Variants in NCAM2 observed in about 807,000 individuals in gnomAD.
The protein encoded by NCAM2 is N-CAM-2.
NCAM2 carries 30 observed loss-of-function variants against 98.1 expected under a neutral mutation model. The ratio of observed to expected loss-of-function variants is 0.31; its 90% CI spans 0.23 to 0.41. The LOEUF (loss-of-function observed/expected upper bound fraction) is 0.41, where lower values mean the gene tolerates loss of function less well. Ranked by LOEUF, NCAM2 falls within the 10% of genes least tolerant of loss-of-function variation. The pLI, the probability that NCAM2 is intolerant of heterozygous loss-of-function variation, is 1.00. For synonymous variants in NCAM2, 368 were observed against 342.4 expected (o/e 1.07, Z -0.83); for missense variants, 867 against 1,005.8 (o/e 0.86, Z 1.87).
At chr21:21,077,472 T>TC (rs2065703802) in intron 1 of NCAM2, among the ~76,000 whole-genome samples, 1 of 152,164 alleles carries the variant, frequency 6.6e-6, no homozygotes, top group East Asian at 1.9e-4. Flanking sequence ...TCCATCTGTT[T>TC]CTTGATTTCA....
chr21:21,271,408 C>T (rs185627396), intron 1 of NCAM2, among the ~76,000 whole-genome samples: 1 of 152,252 alleles, frequency 6.6e-6, no homozygotes, highest in African/African-American at 2.4e-5. Flanking sequence ...GCAAATAGTA[C>T]AGAAACTAAA....
chr21:21,113,194 T>C (rs538032954), intron 1 of NCAM2, among the ~76,000 whole-genome samples: 18 of 152,272 alleles, frequency 1.2e-4, no homozygotes, highest in African/African-American at 3.8e-4. Context: ...ACACAGTAGG[T>C]GCGATTTTTC....
chr21:21,432,890 C>T (rs1012334910), intron 12 of NCAM2, among the ~76,000 whole-genome samples: 10 of 152,122 alleles, frequency 6.6e-5, no homozygotes, highest in African/African-American at 2.2e-4. Context: ...GAATTACCAG[C>T]GTTGGCCTCT....
At chr21:21,129,202 G>C (rs1033160541) in intron 1 of NCAM2, among the ~76,000 whole-genome samples, 1 of 151,962 alleles carries the variant, frequency 6.6e-6, no homozygotes, top group Non-Finnish European at 1.5e-5. Flanking sequence ...ATTTATATCA[G>C]ATACTGTACA....
chr21:21,030,505 C>T (rs1053749036), intron 1 of NCAM2, among the ~76,000 whole-genome samples: 2 of 152,284 alleles, frequency 1.3e-5, no homozygotes, highest in African/African-American at 4.8e-5. Context: ...TAAACTCACC[C>T]AGATCATTCA....
intron 16 of NCAM2, among the ~76,000 whole-genome samples, chr21:21,509,338 G>A (rs1299197090): frequency 6.6e-6 from 1 of 152,058 alleles, no homozygotes; most frequent in African/African-American, 2.4e-5. Context: ...CATATAGATG[G>A]ATGGATAGTT....
chr21:21,346,969 G>T (rs2075207109), intron 8 of NCAM2, among the ~76,000 whole-genome samples: 1 of 151,456 alleles, frequency 6.6e-6, no homozygotes, highest in Non-Finnish European at 1.5e-5. Context: ...CATAAAGAAT[G>T]GAAAAGCAAG....
chr21:21,229,277 G>A (rs143074087), intron 1 of NCAM2, among the ~76,000 whole-genome samples: 46 of 151,582 alleles, frequency 3.0e-4, no homozygotes, highest in South Asian at 1.9e-3. Context: ...TGCATTGCTT[G>A]CAATAGAGAC....
chr21:21,266,696 G>A (rs555557312), intron 1 of NCAM2, among the ~76,000 whole-genome samples: 36 of 151,564 alleles, frequency 2.4e-4, no homozygotes, highest in Middle Eastern at 6.8e-3. Flanking sequence ...ACAGCAAGGG[G>A]AACATCACAC....
At chr21:21,296,142 T>A (rs9984859) in intron 5 of NCAM2, among the ~76,000 whole-genome samples, 120,662 of 151,708 alleles carry the variant, frequency 0.8, 48,242 homozygotes, top group East Asian at 0.99. Flanking sequence ...CATTTCCCTT[T>A]AGACACTTAG....
At chr21:21,141,352 G>C (rs1677816376) in intron 1 of NCAM2, among the ~76,000 whole-genome samples, 2 of 152,106 alleles carry the variant, frequency 1.3e-5, no homozygotes, top group Admixed American at 1.3e-4. Flanking sequence ...ATCTTTGCTA[G>C]ATCCATTAAT....
At chr21:21,535,922 G>T (rs1989957649) in intron 17 of NCAM2, among the ~76,000 whole-genome samples, 1 of 151,992 alleles carries the variant, frequency 6.6e-6, no homozygotes, top group Non-Finnish European at 1.5e-5. Context: ...CTATCAATTT[G>T]GTGAAAGCAC....
At chr21:21,400,364 A>G (rs1680189788) in intron 9 of NCAM2, among the ~76,000 whole-genome samples, 1 of 152,184 alleles carries the variant, frequency 6.6e-6, no homozygotes, top group Non-Finnish European at 1.5e-5. Flanking sequence ...CAGCTAAAAG[A>G]GCATAGTTCC....
chr21:21,303,136 G>A (rs535251362), intron 5 of NCAM2, among the ~76,000 whole-genome samples: 3 of 151,608 alleles, frequency 2.0e-5, no homozygotes, highest in Non-Finnish European at 2.9e-5. Context: ...GCTGAAGAAC[G>A]ACCTTTTGGG....
chr21:21,210,282 C>T (rs949256891), intron 1 of NCAM2, among the ~76,000 whole-genome samples: 1 of 152,068 alleles, frequency 6.6e-6, no homozygotes, highest in South Asian at 2.1e-4. Context: ...AAACATAAAA[C>T]GTTAAAATGC....
chr21:21,346,040 T>C (rs554823032), intron 8 of NCAM2, among the ~76,000 whole-genome samples: 3 of 152,098 alleles, frequency 2.0e-5, no homozygotes, highest in African/African-American at 7.2e-5. Context: ...AGTCCTAACT[T>C]ATGAATAATA....
At chr21:21,052,347 T>C (rs1276984472) in intron 1 of NCAM2, among the ~76,000 whole-genome samples, 3 of 152,016 alleles carry the variant, frequency 2.0e-5, no homozygotes, top group Non-Finnish European at 4.4e-5. Flanking sequence ...GTGTTTTTAA[T>C]AGAGATGGGG....
intron 1 of NCAM2, among the ~76,000 whole-genome samples, chr21:21,034,018 T>G (rs773742927): frequency 2.0e-5 from 3 of 149,718 alleles, no homozygotes; most frequent in Non-Finnish European, 4.4e-5. Context: ...TTGGAGAGAT[T>G]TAGGCTAGAG....
intron 1 of NCAM2, among the ~76,000 whole-genome samples, chr21:21,139,012 T>G (rs2067116008): frequency 6.6e-6 from 1 of 152,234 alleles, no homozygotes; most frequent in African/African-American, 2.4e-5. Flanking sequence ...CTGGATTCCC[T>G]GAACCTGTGA....
Sources: allele counts gnomAD v4.1 joint callset (sites outside exome capture counted in the v4.1 genomes callset), GRCh38; gene constraint gnomAD v4.1.1; transcripts MANE v1.5; gene names NCBI Gene and HGNC (gene_info 2026-07-23, HGNC 2026-07-21).